ESRRB: variants seen among roughly 807,000 people sequenced by gnomAD.
The protein encoded by ESRRB is estrogen related receptor beta.
ESRRB carries 16 observed loss-of-function variants against 46.0 expected under a neutral mutation model. The ratio of observed to expected loss-of-function variants is 0.35; its 90% CI spans 0.24 to 0.53. The LOEUF (loss-of-function observed/expected upper bound fraction) is 0.53, where lower values mean the gene tolerates loss of function less well. Among genes scored for constraint, ESRRB ranks in the 20% least tolerant of loss-of-function variants. ESRRB has a pLI of 0.93. For synonymous variants in ESRRB, 246 were observed against 259.6 expected, an observed-to-expected ratio of 0.95 and a Z score of 0.50; for missense variants, 488 against 607.4, an observed-to-expected ratio of 0.80 and a Z score of 2.07.
At chr14:76,454,597 G>T (rs1888525546) in intron 2 of ESRRB, among the ~76,000 whole-genome samples, 1 of 152,118 alleles carries the variant, frequency 6.6e-6, no homozygotes, top group South Asian at 2.1e-4. Context: ...GAGGGCCGGG[G>T]GCTCCATGAG....
chr14:76,500,392 C>G lies in ESRRB; in HGVS notation c.*1934C>G. Reference sequence around the variant, plus strand: ...GGCCCTAGCCCTCCATGCAGCCCATCTTCCCTCATTTGGGTGGAGGCACAC... The same window carrying G: ...GGCCCTAGCCCTCCATGCAGCCCATGTTCCCTCATTTGGGTGGAGGCACAC... On this transcript the variant is annotated 3_prime_UTR_variant, in exon 7 of 7. Coordinates refer to ENST00000644823, the MANE Select transcript of ESRRB (RefSeq NM_001379180.1). The G allele has an allele frequency of 3.4e-6, 2 of 587,192 alleles. No individual in the cohort carries two copies. The highest frequency in any genetic ancestry group is 6.0e-6 in the Non-Finnish European group (2 of 330,942). The allele number at this position is 587,192 out of a possible 1,614,324, so 36.4% of individuals were successfully genotyped here.
intron 1 of ESRRB, among the ~76,000 whole-genome samples, chr14:76,350,946 T>A (rs560543919): frequency 6.6e-6 from 1 of 152,352 alleles, no homozygotes; most frequent in Non-Finnish European, 1.5e-5. Context: ...CTGCCTGCTG[T>A]CTGCCTTGCC....
intron 1 of ESRRB, among the ~76,000 whole-genome samples, chr14:76,381,124 ATGTCCCC>A (rs1274505118): frequency 1.3e-5 from 2 of 152,050 alleles, no homozygotes; most frequent in Non-Finnish European, 2.9e-5. Flanking sequence ...GGTGGCCCTG[ATGTCCCC>A]TGTCCCCTGG....
At chr14:76,460,345 T>G (rs969396177) in intron 2 of ESRRB, among the ~76,000 whole-genome samples, 3 of 152,240 alleles carry the variant, frequency 2.0e-5, no homozygotes, top group Non-Finnish European at 4.4e-5. Flanking sequence ...GGTAACCTGC[T>G]TCAGCTCCCA....
intron 1 of ESRRB, among the ~76,000 whole-genome samples, chr14:76,413,305 C>T (rs545529164): frequency 5.9e-5 from 9 of 152,286 alleles, no homozygotes; most frequent in Non-Finnish European, 1.3e-4. Context: ...CCTGACAGAC[C>T]CCCACCTGGC....
At chr14:76,381,032 C>T (rs913151388) in intron 1 of ESRRB, among the ~76,000 whole-genome samples, 9 of 152,142 alleles carry the variant, frequency 5.9e-5, no homozygotes, top group African/African-American at 2.2e-4. Context: ...TGAGTTTCCC[C>T]TTCCTCAGCC....
At chr14:76,455,397 G>C (rs1429203487) in intron 2 of ESRRB, among the ~76,000 whole-genome samples, 2 of 152,032 alleles carry the variant, frequency 1.3e-5, no homozygotes, top group Non-Finnish European at 2.9e-5. Flanking sequence ...TTGACTTGCT[G>C]TTATGGAAGA....
intron 1 of ESRRB, among the ~76,000 whole-genome samples, chr14:76,359,546 C>T (rs1884438848): frequency 1.3e-5 from 2 of 152,258 alleles, no homozygotes; most frequent in African/African-American, 4.8e-5. Context: ...TAGAGTAGCT[C>T]CCCAGAAGCC....
chr14:76,376,483 T>G lies in ESRRB; in HGVS notation c.50+32T>G, dbSNP rs1233501679. ...GCCCTGCTTCTCGGTCTGTCTGTCC[T>G]TCTGCCCGTCTGGCAGTCTCTGTCC... is the stretch of plus-strand genomic sequence containing the variant. On this transcript the variant is annotated intron_variant, in intron 1 of 6. Coordinates refer to ENST00000644823, the MANE Select transcript of ESRRB (RefSeq NM_001379180.1). The surrounding 1 kb of genome is among the most constrained non-coding windows in gnomAD (Gnocchi z 4.1). 8.1e-7 allele frequency: 1 copy of G among 1,228,240 alleles called. No homozygotes were observed. Among genetic ancestry groups the G allele is most frequent in the East Asian group, 3.2e-5 (1 of 31,676 alleles). 76.1% of individuals were successfully genotyped at this position (1,228,240 alleles called of 1,614,324 possible).
intron 3 of ESRRB, among the ~76,000 whole-genome samples, chr14:76,475,369 GAAAA>G (rs34977404): frequency 7.7e-6 from 1 of 130,702 alleles, no homozygotes. Flanking sequence ...ACCTTGCCTC[GAAAA>G]AAAAAAAAAA....
At chr14:76,484,657 T>A (rs1174606507) in intron 5 of ESRRB, among the ~76,000 whole-genome samples, 2 of 152,198 alleles carry the variant, frequency 1.3e-5, no homozygotes, top group South Asian at 2.1e-4. Flanking sequence ...CAGGAGACCC[T>A]GTCTCCCCTG....
At chr14:76,456,196 G>A (rs1888606076) in intron 2 of ESRRB, among the ~76,000 whole-genome samples, 1 of 152,294 alleles carries the variant, frequency 6.6e-6, no homozygotes, top group East Asian at 1.9e-4. Context: ...CTGAGGTTCT[G>A]CAGTGTGGCT....
At chr14:76,375,124 C>T (rs1884718306), upstream of ESRRB, among the ~76,000 whole-genome samples, 1 of 151,906 alleles carries the variant, frequency 6.6e-6, no homozygotes, top group Non-Finnish European at 1.5e-5. Context: ...CTCCTGAGGG[C>T]TTTTCCCCCC....
intron 3 of ESRRB, among the ~76,000 whole-genome samples, chr14:76,465,531 T>C (rs1889069439): frequency 6.6e-6 from 1 of 152,054 alleles, no homozygotes. Context: ...ACACTGTGTG[T>C]CCCAGGATGA....
intron 1 of ESRRB, among the ~76,000 whole-genome samples, chr14:76,410,260 G>C (rs61620254): frequency 0.032 from 4,914 of 152,138 alleles, 185 homozygotes; most frequent in East Asian, 0.18. Context: ...TTGGTGTATT[G>C]CTTACCATTT....
At chr14:76,334,258 C>T (rs1477288182) in intron 1 of ESRRB, among the ~76,000 whole-genome samples, 1 of 152,150 alleles carries the variant, frequency 6.6e-6, no homozygotes, top group Non-Finnish European at 1.5e-5. Context: ...TCATCATGTC[C>T]AGCCTCCAAG....
chr14:76,390,061 A>G (rs1595071642), intron 1 of ESRRB, among the ~76,000 whole-genome samples: 1 of 152,176 alleles, frequency 6.6e-6, no homozygotes, highest in Non-Finnish European at 1.5e-5. Flanking sequence ...GCCATTAAAC[A>G]TTTATTACCA....
chr14:76,458,076 A>G (rs1888685240), intron 2 of ESRRB, among the ~76,000 whole-genome samples: 1 of 152,188 alleles, frequency 6.6e-6, no homozygotes, highest in African/African-American at 2.4e-5. Context: ...GATGTGCCCA[A>G]AGTGGAGTCT....
chr14:76,495,844 T>C (rs1890406793), intron 6 of ESRRB, among the ~76,000 whole-genome samples: 2 of 152,178 alleles, frequency 1.3e-5, no homozygotes, highest in Non-Finnish European at 2.9e-5. Flanking sequence ...AAATCATCCT[T>C]CCAAAGTGCT....
Sources: allele counts gnomAD v4.1 joint callset (sites outside exome capture counted in the v4.1 genomes callset), GRCh38; gene constraint gnomAD v4.1.1; non-coding constraint Gnocchi (gnomAD v3.1); transcripts MANE v1.5; gene names NCBI Gene and HGNC (gene_info 2026-07-23, HGNC 2026-07-21).